The following CAMKMT variants were observed in gnomAD, a reference collection of about 807,000 sequenced individuals.
CAMKMT encodes the protein calmodulin-lysine N-methyltransferase.
Under a neutral mutation model 48.0 loss-of-function variants are expected in CAMKMT, and 53 were observed. The observed-to-expected ratio is 1.10, with a 90% CI of 0.89 to 1.39. The LOEUF (loss-of-function observed/expected upper bound fraction) is 1.39, where lower values mean the gene tolerates loss of function less well. CAMKMT is among the 40% of genes most tolerant of loss of function. CAMKMT has a pLI of 0.00. For synonymous variants in CAMKMT, 165 were observed against 152.3 expected, an observed-to-expected ratio of 1.08 and a Z score of -0.61; for missense variants, 428 against 402.7, an observed-to-expected ratio of 1.06 and a Z score of -0.54.
chr2:44,609,960 T>A (rs1166323689), intron 3 of CAMKMT, among the ~76,000 whole-genome samples: 1 of 152,202 alleles, frequency 6.6e-6, no homozygotes, highest in Non-Finnish European at 1.5e-5. Context: ...AAAGTTGCTG[T>A]ATAAAGTTGT....
intron 3 of CAMKMT, among the ~76,000 whole-genome samples, chr2:44,463,340 G>A (rs1309145785): frequency 6.6e-6 from 1 of 152,160 alleles, no homozygotes; most frequent in Non-Finnish European, 1.5e-5. Context: ...CCCTAGGCAG[G>A]ATCAAAGCCA....
intron 7 of CAMKMT, among the ~76,000 whole-genome samples, chr2:44,718,862 C>A (rs986171300): frequency 1.7e-4 from 26 of 152,276 alleles, no homozygotes; most frequent in Middle Eastern, 6.8e-3. Flanking sequence ...AACTATGGAA[C>A]TTGTGTTAAG....
chr2:44,450,959 G>A (rs920922810), intron 3 of CAMKMT, among the ~76,000 whole-genome samples: 2 of 152,088 alleles, frequency 1.3e-5, no homozygotes, highest in African/African-American at 4.8e-5. Flanking sequence ...ACTTGTTGAA[G>A]TTTTGCAGGA....
chr2:44,752,412 G>A (rs923854695), intron 8 of CAMKMT, among the ~76,000 whole-genome samples: 3 of 152,152 alleles, frequency 2.0e-5, no homozygotes, highest in African/African-American at 7.2e-5. Flanking sequence ...TCTTGGCAGA[G>A]TGCTCTAGCA....
At chr2:44,603,293 G>T (rs781208522) in intron 3 of CAMKMT, among the ~76,000 whole-genome samples, 5 of 152,016 alleles carry the variant, frequency 3.3e-5, no homozygotes, top group Non-Finnish European at 5.9e-5. Flanking sequence ...GTTTCACCAT[G>T]TTGGCCAGGC....
intron 3 of CAMKMT, among the ~76,000 whole-genome samples, chr2:44,633,960 G>T (rs950304170): frequency 6.6e-6 from 1 of 151,952 alleles, no homozygotes; most frequent in African/African-American, 2.4e-5. Context: ...GCTTTTGGAG[G>T]ACATGTCTAG....
At chr2:44,700,671 A>G (rs563873669) in intron 3 of CAMKMT, among the ~76,000 whole-genome samples, 1 of 152,306 alleles carries the variant, frequency 6.6e-6, no homozygotes, top group East Asian at 1.9e-4. Context: ...GCCGCCCCAA[A>G]ACAATTACCA....
rs556349055 is a variant in CAMKMT, at chr2:44,462,670, C to T, written c.376+72365C>T. ...TGTAATCTGACAGTTTAAAATTATA[C>T]AAAAATGTGCTGAAGTCCTTGCGTT... is the stretch of plus-strand genomic sequence containing the variant. On this transcript the variant is annotated intron_variant, in intron 3 of 10. Coordinates refer to ENST00000378494, the MANE Select transcript of CAMKMT (RefSeq NM_024766.5). Among the ~76,000 whole-genome samples, 360 of 151,946 alleles carry T rather than the reference C, an allele frequency of 2.4e-3. 1 individual carries two copies. Among genetic ancestry groups the T allele is most frequent in the African/African-American group, 8.2e-3 (338 of 41,464 alleles).
intron 3 of CAMKMT, among the ~76,000 whole-genome samples, chr2:44,697,784 C>CA (rs1047739536): frequency 1.6e-4 from 25 of 151,806 alleles, no homozygotes; most frequent in African/African-American, 5.8e-4. Flanking sequence ...GAGATAAAAG[C>CA]AAAAAATGCT....
At chr2:44,633,628 T>G (rs947539172) in intron 3 of CAMKMT, among the ~76,000 whole-genome samples, 26 of 152,136 alleles carry the variant, frequency 1.7e-4, no homozygotes, top group Non-Finnish European at 1.5e-5. Flanking sequence ...TGGTTTCTAT[T>G]TCTCTTTTCA....
chr2:44,382,483 C>CTTT (rs1180515860), intron 2 of CAMKMT, among the ~76,000 whole-genome samples: 7 of 140,154 alleles, frequency 5.0e-5, no homozygotes, highest in Non-Finnish European at 7.9e-5. Context: ...TTTTCTTTTT[C>CTTT]TTTTTTTTTT....
intron 1 of CAMKMT, among the ~76,000 whole-genome samples, chr2:44,367,503 T>A (rs1678726146): frequency 6.6e-6 from 1 of 152,368 alleles, no homozygotes; most frequent in East Asian, 1.9e-4. Context: ...ATGTTTAGAC[T>A]TGGGTCCCAT....
At position 44,766,469 on chromosome 2, in the gene CAMKMT, T is replaced by G. The variant is rs770717307; in HGVS notation, c.802T>G (p.Leu268Val). Residue 268 changes from leucine (L) to valine (V), a missense_variant, in exon 10 of 11, where the codon TTA (leucine) becomes GTA (valine). Physicochemically the swap from Leu to Val is conservative, Grantham distance 32. Transcript: ENST00000378494. ...ATTTGCCCCACGCCGAGGGAATACTTTAAACCAGTTTTGCAATCTAGCTGA... is the reference window on the plus strand; with the variant it reads ...ATTTGCCCCACGCCGAGGGAATACTGTAAACCAGTTTTGCAATCTAGCTGA... ...MVFAPRRGNT[L>V]NQFCNLAEKA... 8.7e-6 allele frequency: 14 copies of G among 1,614,094 alleles called. No homozygotes were observed. Among genetic ancestry groups the G allele is most frequent in the Middle Eastern group, 1.6e-4 (1 of 6,084 alleles).
chr2:44,510,060 A>G (rs1331638317), intron 3 of CAMKMT, among the ~76,000 whole-genome samples: 1 of 152,230 alleles, frequency 6.6e-6, no homozygotes, highest in African/African-American at 2.4e-5. Context: ...TTACATTACC[A>G]TAGAATAATT....
At chr2:44,588,306 G>GAGGT (rs1670016865) in intron 3 of CAMKMT, among the ~76,000 whole-genome samples, 1 of 73,472 alleles carries the variant, frequency 1.4e-5, no homozygotes, top group Non-Finnish European at 2.9e-5. Context: ...GGGAGGGAGG[G>GAGGT]GGGGGGTCAG....
intron 3 of CAMKMT, among the ~76,000 whole-genome samples, chr2:44,604,522 G>T (rs1362469918): frequency 6.7e-6 from 1 of 149,860 alleles, no homozygotes; most frequent in East Asian, 1.9e-4. Flanking sequence ...TTAAGGGAGG[G>T]TTGTGGGTAT....
intron 8 of CAMKMT, among the ~76,000 whole-genome samples, chr2:44,745,008 T>C (rs549285873): frequency 2.6e-5 from 4 of 152,290 alleles, no homozygotes; most frequent in Non-Finnish European, 5.9e-5. Context: ...AACCTCACCG[T>C]ATGATTCGAG....
At position 44,516,738 on chromosome 2, in the gene CAMKMT, GA is replaced by G. The variant is rs1316152457; in HGVS notation, c.376+126434del. ...CTTTCTAATTAAGGATGTTTCTTGA[GA>G]TTTTTTTTTTTTTTTTTTTTGAGAC... On this transcript the variant is annotated intron_variant, in intron 3 of 10. Transcript: ENST00000378494. Among the ~76,000 whole-genome samples, 365 of 145,738 alleles carry G rather than the reference GA, an allele frequency of 2.5e-3. 3 individuals carry two copies. Among genetic ancestry groups the G allele is most frequent in the African/African-American group, 8.8e-3 (335 of 37,892 alleles).
intron 3 of CAMKMT, among the ~76,000 whole-genome samples, chr2:44,590,677 T>C (rs1175588670): frequency 2.6e-5 from 4 of 152,338 alleles, no homozygotes; most frequent in East Asian, 1.9e-4. Context: ...GAGTAGGTTG[T>C]GAAAATTTTC....
Sources: allele counts gnomAD v4.1 joint callset (sites outside exome capture counted in the v4.1 genomes callset), GRCh38; gene constraint gnomAD v4.1.1; transcripts MANE v1.5; gene names NCBI Gene and HGNC (gene_info 2026-07-23, HGNC 2026-07-21).